PRKG1: variants seen among roughly 807,000 people sequenced by gnomAD.
The protein encoded by PRKG1 is cGMP-dependent protein kinase 1.
A neutral mutation model predicts 88.1 loss-of-function variants in PRKG1; 35 were observed. That is an observed-to-expected ratio of 0.40 (90% confidence interval 0.30 to 0.53). The LOEUF is 0.53. Ranked by LOEUF, PRKG1 falls within the 20% of genes least tolerant of loss-of-function variation. PRKG1 has a pLI of 0.59. For missense variants in PRKG1, 540 were observed against 839.8 expected (o/e 0.64, Z 4.41); for synonymous variants, 303 against 292.5 (o/e 1.04, Z -0.37).
chr10:51,542,415 T>G (rs1221937016), intron 3 of PRKG1, among the ~76,000 whole-genome samples: 1 of 152,176 alleles, frequency 6.6e-6, no homozygotes, highest in Non-Finnish European at 1.5e-5. Context: ...ATGGGGACAC[T>G]GAGGCTTGGA....
chr10:52,156,922 C>T (rs998604280), intron 8 of PRKG1, among the ~76,000 whole-genome samples: 2 of 151,528 alleles, frequency 1.3e-5, no homozygotes, highest in Non-Finnish European at 1.5e-5. Flanking sequence ...ATTAAGAAGG[C>T]GTAGCCAAGC....
At chr10:51,600,249 G>A (rs1413447810) in intron 3 of PRKG1, among the ~76,000 whole-genome samples, 4 of 152,118 alleles carry the variant, frequency 2.6e-5, no homozygotes, top group Non-Finnish European at 5.9e-5. Context: ...AAATGTGGAA[G>A]CATGTGTGTC....
chr10:51,495,408 A>G (rs1231067451), intron 3 of PRKG1, among the ~76,000 whole-genome samples: 1 of 152,168 alleles, frequency 6.6e-6, no homozygotes, highest in East Asian at 1.9e-4. Context: ...AATCTTTCAC[A>G]ATGACTTTGA....
chr10:51,237,274 G>A (rs1416263348), intron 2 of PRKG1, among the ~76,000 whole-genome samples: 4 of 152,020 alleles, frequency 2.6e-5, no homozygotes, highest in Admixed American at 2.6e-4. Flanking sequence ...TCATATTTTG[G>A]TATTCTCAGG....
At chr10:51,267,726 A>G (rs1839872961) in intron 2 of PRKG1, among the ~76,000 whole-genome samples, 1 of 152,210 alleles carries the variant, frequency 6.6e-6, no homozygotes, top group Non-Finnish European at 1.5e-5. Context: ...AACATCGGGA[A>G]AACTCTTCTA....
chr10:50,992,089 T>TG (rs926614028), intron 1 of PRKG1, among the ~76,000 whole-genome samples: 2 of 150,916 alleles, frequency 1.3e-5, no homozygotes, highest in Non-Finnish European at 3.0e-5. Flanking sequence ...ACATGCTCAG[T>TG]GGGGCTGTCC....
At chr10:51,514,245 A>G (rs1283767836) in intron 3 of PRKG1, among the ~76,000 whole-genome samples, 1 of 152,084 alleles carries the variant, frequency 6.6e-6, no homozygotes, top group Non-Finnish European at 1.5e-5. Context: ...TAGAAAATCT[A>G]GAAGAAATGG....
At chr10:51,740,316 A>G (rs1392445870) in intron 3 of PRKG1, among the ~76,000 whole-genome samples, 1 of 152,234 alleles carries the variant, frequency 6.6e-6, no homozygotes, top group African/African-American at 2.4e-5. Flanking sequence ...GGCTGGAAAC[A>G]TAGCAACTGG....
At chr10:51,053,215 G>A (rs191361631) in intron 1 of PRKG1, among the ~76,000 whole-genome samples, 5 of 150,702 alleles carry the variant, frequency 3.3e-5, no homozygotes, top group East Asian at 2.0e-4. Context: ...GGGCGATAGC[G>A]CAAGACTCTT....
chr10:52,227,496 TTATAAGTAA>T (rs1219551722), intron 9 of PRKG1, among the ~76,000 whole-genome samples: 2 of 152,174 alleles, frequency 1.3e-5, no homozygotes, highest in African/African-American at 2.4e-5. Context: ...GTATCTGTTA[TTATAAGTAA>T]TCTAGAGATA....
At chr10:51,550,386 G>T (rs1837098928) in intron 3 of PRKG1, among the ~76,000 whole-genome samples, 1 of 151,624 alleles carries the variant, frequency 6.6e-6, no homozygotes, top group Non-Finnish European at 1.5e-5. Context: ...TTTAAAATTA[G>T]TTTTTTTTAT....
chr10:51,607,353 G>C (rs988591674), intron 3 of PRKG1, among the ~76,000 whole-genome samples: 10 of 152,148 alleles, frequency 6.6e-5, no homozygotes, highest in Non-Finnish European at 2.9e-5. Context: ...AGACTTTGTG[G>C]GCTAAGAGGT....
chr10:51,216,188 G>T (rs1443651455), intron 2 of PRKG1, among the ~76,000 whole-genome samples: 1 of 152,182 alleles, frequency 6.6e-6, no homozygotes, highest in East Asian at 1.9e-4. Context: ...CATCCCCAAA[G>T]AATTCCCACT....
chr10:52,257,846 A>G (rs1394252474), intron 10 of PRKG1, among the ~76,000 whole-genome samples: 1 of 139,580 alleles, frequency 7.2e-6, no homozygotes, highest in East Asian at 2.1e-4. Context: ...TCTAATAAAC[A>G]CTAATTGAGC....
chr10:51,495,384 C>T (rs549664564), intron 3 of PRKG1, among the ~76,000 whole-genome samples: 54 of 152,294 alleles, frequency 3.5e-4, no homozygotes, highest in African/African-American at 1.1e-3. Flanking sequence ...CGTGAGCCAC[C>T]GCACCCGACC....
intron 3 of PRKG1, among the ~76,000 whole-genome samples, chr10:51,655,848 T>C (rs1173013806): frequency 2.0e-5 from 3 of 152,086 alleles, no homozygotes; most frequent in Non-Finnish European, 4.4e-5. Context: ...GAAAATCAAA[T>C]TCCTATCACG....
chr10:51,806,666 A>G (rs931763627), intron 4 of PRKG1, among the ~76,000 whole-genome samples: 2 of 152,148 alleles, frequency 1.3e-5, no homozygotes, highest in African/African-American at 4.8e-5. Flanking sequence ...TAATCTTCCT[A>G]AATTACAACT....
At chr10:52,291,440 G>A (rs1402195496) in intron 17 of PRKG1, among the ~76,000 whole-genome samples, 1 of 122,618 alleles carries the variant, frequency 8.2e-6, no homozygotes, top group Non-Finnish European at 1.6e-5. Flanking sequence ...AGAGTGTGAT[G>A]GTCCCCTTCC....
chr10:52,112,084 A>G (rs548197380), intron 7 of PRKG1, among the ~76,000 whole-genome samples: 4 of 152,292 alleles, frequency 2.6e-5, no homozygotes, highest in African/African-American at 7.2e-5. Flanking sequence ...CTCTCAACAC[A>G]CGCCATCATT....
Sources: allele counts gnomAD v4.1 joint callset (sites outside exome capture counted in the v4.1 genomes callset), GRCh38; gene constraint gnomAD v4.1.1; transcripts MANE v1.5; gene names NCBI Gene and HGNC (gene_info 2026-07-23, HGNC 2026-07-21).